The following CAVIN1 variants were observed in gnomAD, a reference collection of about 807,000 sequenced individuals.
CAVIN1 encodes the protein caveolae-associated protein 1.
A neutral mutation model predicts 24.0 loss-of-function variants in CAVIN1; 16 were observed. The ratio of observed to expected loss-of-function variants is 0.67; its 90% CI spans 0.45 to 1.01. The LOEUF (loss-of-function observed/expected upper bound fraction) is 1.01, where lower values mean the gene tolerates loss of function less well. Ranked by LOEUF, CAVIN1 falls within the 50% of genes least tolerant of loss-of-function variation. The pLI is 0.00. For synonymous variants in CAVIN1, 256 were observed against 256.4 expected (o/e 1.00, Z 0.02); for missense variants, 510 against 551.7 (o/e 0.92, Z 0.76).
chr17:42,413,317 A>C (rs1370245609), intron 1 of CAVIN1, among the ~76,000 whole-genome samples: 16 of 151,730 alleles, frequency 1.1e-4, no homozygotes, highest in Admixed American at 7.2e-4. Context: ...CTGTAATCCC[A>C]GCACTTTGGA....
chr17:42,416,003 C>T (rs1247956734), intron 1 of CAVIN1, among the ~76,000 whole-genome samples: 6 of 152,014 alleles, frequency 3.9e-5, no homozygotes, highest in African/African-American at 1.2e-4. Flanking sequence ...GCACTTTGGG[C>T]GGCCAAGGCA....
chr17:42,412,894 G>A (rs1254426671), intron 1 of CAVIN1, among the ~76,000 whole-genome samples: 1 of 151,570 alleles, frequency 6.6e-6, no homozygotes, highest in Non-Finnish European at 1.5e-5. Context: ...TGGGATTACA[G>A]GCGGGAACCA....
chr17:42,415,803 AAT>A (rs762692281), intron 1 of CAVIN1, among the ~76,000 whole-genome samples: 2 of 152,198 alleles, frequency 1.3e-5, no homozygotes, highest in African/African-American at 2.4e-5. Context: ...AAATATTCAC[AAT>A]GTTATATTTC....
intron 1 of CAVIN1, among the ~76,000 whole-genome samples, chr17:42,406,152 T>C (rs1439772097): frequency 1.3e-5 from 2 of 152,070 alleles, no homozygotes; most frequent in Non-Finnish European, 2.9e-5. Flanking sequence ...TTTCCACCCG[T>C]AGATGATATT....
intron 1 of CAVIN1, among the ~76,000 whole-genome samples, chr17:42,406,897 C>T (rs1439587573): frequency 6.6e-6 from 1 of 152,126 alleles, no homozygotes; most frequent in Non-Finnish European, 1.5e-5. Context: ...GACTTCCCTA[C>T]TTTGGGATAG....
chr17:42,422,617 G>T lies in CAVIN1; in HGVS notation c.471+10C>A. ...GGGAGCTCTGGGCGCCTTCCGCCCT[G>T]TGGGCTCACCTGGTAGATCATGACT... On this transcript the variant is annotated intron_variant, in intron 1 of 1. Transcript: ENST00000357037. The T allele has an allele frequency of 1.3e-6, 2 of 1,558,840 alleles. No individual in the cohort carries two copies. The highest frequency in any genetic ancestry group is 4.8e-5 in the East Asian group (2 of 41,500).
At chr17:42,421,639 T>C (rs2085546667) in intron 1 of CAVIN1, among the ~76,000 whole-genome samples, 1 of 151,800 alleles carries the variant, frequency 6.6e-6, no homozygotes, top group Non-Finnish European at 1.5e-5. Context: ...ACTCCCAGGT[T>C]TATTGGGGGT....
Position 42,410,799 on chromosome 17 carries a change from C to G in CAVIN1, c.472-5411G>C, listed in dbSNP as rs369846868. 1.7e-4 allele frequency among the ~76,000 whole-genome samples: 25 copies of G among 148,218 alleles called. No homozygotes were observed. The East Asian group carries it at 4.3e-3, about 25-fold the overall frequency. ...TGGTGGCACGAGCCTGTAATCCCAG[C>G]TACTCGGGAGGCTGAACCAGGGAGG... On this transcript the variant is annotated intron_variant, in intron 1 of 1. Transcript: ENST00000357037.
chr17:42,422,306 G>T (rs540765325), intron 1 of CAVIN1, among the ~76,000 whole-genome samples: 12 of 152,352 alleles, frequency 7.9e-5, no homozygotes, highest in African/African-American at 2.4e-4. Flanking sequence ...AGCGGTCTGC[G>T]AGGGGCAGCG....
In CAVIN1 at chr17:42,423,002, C is replaced by A; in HGVS notation, c.96G>T (p.Ala32=). 4 of 1,613,124 alleles carry A rather than the reference C, an allele frequency of 2.5e-6. No individual in the cohort carries two copies. The Admixed American group carries it at 5.0e-5, about 20-fold the overall frequency. ...PEPSSAGAQA[A]EEPSGAGSEE... ...CTGAGCCGGCCCCCGACGGCTCCTCCGCTGCCTGAGCCCCAGCGGAGGAAG... is the reference window on the plus strand; with the variant it reads ...CTGAGCCGGCCCCCGACGGCTCCTCAGCTGCCTGAGCCCCAGCGGAGGAAG... The change falls in exon 1 of 2, where the codon GCG becomes GCT. Residue 32 remains alanine, a synonymous_variant. Coordinates refer to ENST00000357037, the MANE Select transcript of CAVIN1 (RefSeq NM_012232.6).
At chr17:42,410,016 GGCTCCCAGC>G (rs2085466566) in intron 1 of CAVIN1, among the ~76,000 whole-genome samples, 2 of 152,184 alleles carry the variant, frequency 1.3e-5, no homozygotes, top group Non-Finnish European at 2.9e-5. Flanking sequence ...GCCACAGGGA[GGCTCCCAGC>G]CTCTTCCACT....
rs1397469498 is a variant in CAVIN1, at chr17:42,414,838, C to G, written c.471+7789G>C. Among the ~76,000 whole-genome samples the G allele has an allele frequency of 4.6e-5, 7 of 151,916 alleles. No individual in the cohort carries two copies. In the South Asian group the frequency reaches 1.5e-3, roughly 32 times the overall value. On this transcript the variant is annotated intron_variant, in intron 1 of 1. Transcript: ENST00000357037. ...TGAAGAGAAAGGGAAACAACATGTC[C>G]CTCTCCTAGGTATGTGTGGAGTCCC...
At position 42,402,889 on chromosome 17, in the gene CAVIN1, A is replaced by G. The variant is rs2085420453; in HGVS notation, c.*1798T>C. The stretch of plus-strand genomic sequence containing the variant: ...CAAACCCCCTTTAATGGGGAGGAAC[A>G]AGGGGACTCGTGTCTTGAGAACCTG... On this transcript the variant is annotated 3_prime_UTR_variant, in exon 2 of 2. Coordinates refer to ENST00000357037, the MANE Select transcript of CAVIN1 (RefSeq NM_012232.6). 1.3e-5 allele frequency: 2 copies of G among 152,236 alleles called. No homozygotes were observed. Among genetic ancestry groups the G allele is most frequent in the South Asian group, 4.1e-4 (2 of 4,828 alleles). 9.4% of individuals were successfully genotyped at this position (152,236 alleles called of 1,614,324 possible). A position where few individuals can be genotyped will look rare whatever the true frequency, so the allele number is the denominator to read the frequency against.
intron 1 of CAVIN1, chr17:42,411,866 T>C (rs1454756369): frequency 1.0e-6 from 1 of 985,276 alleles, no homozygotes; most frequent in African/African-American, 1.7e-5. Context: ...ATCCCCACTG[T>C]ATACATCCCA....
In CAVIN1 at chr17:42,423,206, G is replaced by T; in HGVS notation, c.-109C>A. 1 of 950,310 alleles carries T rather than the reference G, an allele frequency of 1.1e-6. No homozygotes were observed. Among genetic ancestry groups the T allele is most frequent in the Non-Finnish European group, 1.5e-6 (1 of 649,092 alleles). The allele number at this position is 950,310 out of a possible 1,614,324, so 58.9% of individuals were successfully genotyped here. On this transcript the variant is annotated 5_prime_UTR_variant, in exon 1 of 2. Transcript: ENST00000357037. ...GAGAGCTAGCGGGCGAGAGCGGAGA[G>T]CAGAGGAAACTCGAGCCACGTCCGT... is the stretch of plus-strand genomic sequence containing the variant.
At chr17:42,416,239 A>G (rs1202338631) in intron 1 of CAVIN1, among the ~76,000 whole-genome samples, 3 of 152,098 alleles carry the variant, frequency 2.0e-5, no homozygotes, top group Non-Finnish European at 4.4e-5. Context: ...GTGGTGGCAC[A>G]TGCCTGTAAT....
intron 1 of CAVIN1, among the ~76,000 whole-genome samples, chr17:42,406,762 T>G (rs1261078313): frequency 6.7e-6 from 1 of 149,670 alleles, no homozygotes; most frequent in African/African-American, 2.5e-5. Context: ...CTTCATACTG[T>G]TTGGCTCCAC....
At chr17:42,407,696 G>A (rs1294452924) in intron 1 of CAVIN1, among the ~76,000 whole-genome samples, 1 of 152,194 alleles carries the variant, frequency 6.6e-6, no homozygotes, top group Non-Finnish European at 1.5e-5. Context: ...AAGGTGACCT[G>A]GGCACAGGGC....
rs753774660 is a variant in CAVIN1 at position 42,404,749 on chromosome 17, C to G, written c.1111G>C (p.Ala371Pro). The change falls in exon 2 of 2, where the codon GCG (alanine) becomes CCG (proline). Residue 371 changes from alanine to proline, a missense_variant. Ala to Pro is a conservative substitution (Grantham distance 27). Coordinates refer to ENST00000357037, the MANE Select transcript of CAVIN1 (RefSeq NM_012232.6). ...LRRGSSPDVH[A>P]LLEITEESDA... ...GACTCCTCGGTGATCTCCAGCAGCG[C>G]GTGCACGTCGGGGCTGCTCCCGCGC... 5.2e-6 allele frequency: 8 copies of G among 1,524,322 alleles called. No individual in the cohort carries two copies. The highest frequency in any genetic ancestry group is 2.3e-5 in the Admixed American group (1 of 42,834). 94.4% of individuals were successfully genotyped at this position (1,524,322 alleles called of 1,614,324 possible).
Sources: allele counts gnomAD v4.1 joint callset (sites outside exome capture counted in the v4.1 genomes callset), GRCh38; gene constraint gnomAD v4.1.1; transcripts MANE v1.5; gene names NCBI Gene and HGNC (gene_info 2026-07-23, HGNC 2026-07-21).